Variants in STRIP1 observed in about 807,000 individuals in gnomAD.
STRIP1 encodes the protein striatin interacting protein 1.
A neutral mutation model predicts 106.2 loss-of-function variants in STRIP1; 63 were observed. The observed-to-expected ratio is 0.59, with a 90% confidence interval of 0.48 to 0.73. The LOEUF (loss-of-function observed/expected upper bound fraction) is 0.73, where lower values mean the gene tolerates loss of function less well. Among genes scored for constraint, STRIP1 ranks in the 30% least tolerant of loss-of-function variants. The probability of loss-of-function intolerance (pLI) is 0.00; values close to 1 mark genes in which losing one functional copy is unlikely to be tolerated. For synonymous variants in STRIP1, 390 were observed against 413.0 expected (o/e 0.94, Z 0.67); for missense variants, 857 against 1,074.8 (o/e 0.80, Z 2.83).
Position 110,054,223 on chromosome 1 carries a change from A to T in STRIP1, c.*311A>T, listed in dbSNP as rs1263409440. 8.8e-6 allele frequency: 3 copies of T among 339,604 alleles called. No individual in the cohort carries two copies. In the South Asian group the frequency reaches 1.0e-4, roughly 12 times the overall value. The allele number at this position is 339,604 out of a possible 1,614,324, so 21.0% of individuals were successfully genotyped here. ...CCAAGGCTGGGAAAGCTGGAATGGG[A>T]TGGGAACCCCTCCGCCGTGCATCTG... On this transcript the variant is annotated 3_prime_UTR_variant, in exon 21 of 21. Transcript: ENST00000369795.
Position 110,053,946 on chromosome 1 carries a change from A to T in STRIP1, c.*34A>T. Reference sequence around the variant, plus strand: ...GTTAGGGGACTGAAATGGAGAGAAAAGATGATCTGAAGGTACCTGTGGGAC... The same window carrying T: ...GTTAGGGGACTGAAATGGAGAGAAATGATGATCTGAAGGTACCTGTGGGAC... On this transcript the variant is annotated 3_prime_UTR_variant, in exon 21 of 21. Coordinates refer to ENST00000369795, the MANE Select transcript of STRIP1 (RefSeq NM_033088.4). The T allele has an allele frequency of 6.2e-7, 1 of 1,611,356 alleles. No homozygotes were observed. Among genetic ancestry groups the T allele is most frequent in the Non-Finnish European group, 8.5e-7 (1 of 1,178,574 alleles).
intron 13 of STRIP1, among the ~76,000 whole-genome samples, chr1:110,047,167 C>A (rs1266129431): frequency 1.3e-5 from 2 of 152,164 alleles, no homozygotes; most frequent in African/African-American, 2.4e-5. Context: ...CCCAGTCCAC[C>A]TCCCAGTGCA....
intron 3 of STRIP1, 74 bp downstream of exon 3, chr1:110,038,831 G>C: frequency 7.3e-7 from 1 of 1,361,146 alleles, no homozygotes; most frequent in South Asian, 1.2e-5. Context: ...TTAGGCATCT[G>C]AATGACCTGA....
At position 110,039,407 on chromosome 1, in the gene STRIP1, A is replaced by C. The variant is rs1203942168; in HGVS notation, c.473A>C (p.Glu158Ala). The C allele has an allele frequency of 1.9e-6, 3 of 1,614,018 alleles. No homozygotes were observed. The highest frequency in any genetic ancestry group is 2.7e-5 in the African/African-American group (2 of 74,924). Reference protein sequence around the residue: ...ILYVAQGTFGECSSEAEVQSW... With the variant: ...ILYVAQGTFGACSSEAEVQSW... ...CCCTGCATTGCAGGCACGTTTGGGG[A>C]GTGCAGCTCGGAGGCAGAGGTGCAG... The change falls in exon 5 of 21, where the codon GAG becomes GCG. Residue 158 changes from glutamate (E) to alanine (A), a missense_variant. Physicochemically the swap from Glu to Ala is moderately radical, Grantham distance 107. This residue lies in a region of STRIP1 where 750 missense variants were observed against 989.8 expected (regional missense o/e 0.76). Coordinates refer to ENST00000369795, the MANE Select transcript of STRIP1 (RefSeq NM_033088.4).
intron 12 of STRIP1, 97 bp from the exon 13 acceptor site, chr1:110,046,583 G>C (rs1653028788): frequency 1.9e-6 from 2 of 1,041,720 alleles, no homozygotes; most frequent in East Asian, 2.4e-5. Flanking sequence ...TCAGAAGACT[G>C]TGTTTGAAGA....
intron 1 of STRIP1, among the ~76,000 whole-genome samples, chr1:110,037,358 CTTCT>C (rs995853479): frequency 1.5e-4 from 23 of 152,304 alleles, no homozygotes; most frequent in African/African-American, 5.1e-4. Context: ...TGGCGGCTGC[CTTCT>C]TTGTCAGTTC....
upstream of STRIP1, among the ~76,000 whole-genome samples, chr1:110,033,161 C>T (rs1420549199): frequency 6.6e-6 from 1 of 152,186 alleles, no homozygotes; most frequent in Non-Finnish European, 1.5e-5. Context: ...TAAAATCACA[C>T]CCTCAGGCCT....
Position 110,047,546 on chromosome 1 carries a change from A to T in STRIP1, c.1493A>T (p.Glu498Val). 1 of 1,611,006 alleles carries T rather than the reference A, an allele frequency of 6.2e-7. No individual in the cohort carries two copies. Residue 498 changes from glutamate (E) to valine (V), a missense_variant, in exon 14 of 21, where the codon GAA becomes GTA. By Grantham distance (121) the Glu-to-Val change is moderately radical (BLOSUM62 -2). Transcript: ENST00000369795. ...TTGTACTCATTATGTTAAAAGGGAG[A>T]AGAAGAAGTTGAGCAAGTCCCTGCA... is the stretch of plus-strand genomic sequence containing the variant. ...EYLRSPLSGG[E>V]EEVEQVPAET...
chr1:110,044,978 T>C (rs1652947355), intron 11 of STRIP1, 37 bp from the exon 12 acceptor site: 1 of 1,613,656 alleles, frequency 6.2e-7, no homozygotes, highest in Non-Finnish European at 8.5e-7. Context: ...GGTGATTTGA[T>C]GTCGAGGCTC....
Position 110,049,462 on chromosome 1 carries a change from T to G in STRIP1, c.1791T>G (p.Phe597Leu), listed in dbSNP as rs1462019519. The part of the protein sequence containing the change: ...KHFKLNHVYQ[F>L]EYMAQHLVFA... Reference sequence around the variant, plus strand: ...TTTTTTTTTCCTGTTGGCTTCAGTTTGAATACATGGCCCAGCACCTGGTGT... The same window carrying G: ...TTTTTTTTTCCTGTTGGCTTCAGTTGGAATACATGGCCCAGCACCTGGTGT... Residue 597 changes from phenylalanine to leucine, a missense_variant and splice_region_variant, in exon 17 of 21, where the codon TTT becomes TTG. Phe to Leu is a conservative substitution (Grantham distance 22, BLOSUM62 0). Around this residue, in one of 2 missense-constraint regions of STRIP1, gnomAD observed 750 missense variants for 989.8 expected, o/e 0.76. Transcript: ENST00000369795. 6.2e-7 allele frequency: 1 copy of G among 1,602,662 alleles called. No homozygotes were observed. The highest frequency in any genetic ancestry group is 1.7e-5 in the Admixed American group (1 of 57,850).
At chr1:110,034,487 A>C, upstream of STRIP1, 1 of 818,018 alleles carries the variant, frequency 1.2e-6, no homozygotes, top group Admixed American at 4.1e-5. Context: ...CTGCAGACAG[A>C]ATATCGCGAG....
At chr1:110,037,846 A>T in intron 1 of STRIP1, 45 bp from the exon 2 acceptor site, 1 of 1,341,178 alleles carries the variant, frequency 7.5e-7, no homozygotes, top group Non-Finnish European at 1.1e-6. Flanking sequence ...TTCTTTGATA[A>T]ATAGAATGAT....
At chr1:110,040,009 T>A in intron 5 of STRIP1, 1 of 736,906 alleles carries the variant, frequency 1.4e-6, no homozygotes, top group Non-Finnish European at 2.1e-6. Context: ...TGCCTGTGTG[T>A]CCCGGGCATT....
At chr1:110,046,824 G>A in intron 13 of STRIP1, 73 bp downstream of exon 13, 8 of 1,126,740 alleles carry the variant, frequency 7.1e-6, no homozygotes, top group Non-Finnish European at 1.1e-5. Flanking sequence ...GGCCGAGGAG[G>A]GCAGATCATG....
intron 5 of STRIP1, chr1:110,039,881 A>G: frequency 7.7e-7 from 1 of 1,296,244 alleles, no homozygotes; most frequent in Non-Finnish European, 1.0e-6. Flanking sequence ...CACAAGACTG[A>G]CATATGGGCT....
rs199755654 is a variant in STRIP1 at position 110,050,370 on chromosome 1, C to T, written c.1917C>T (p.Cys639=). The change falls in exon 18 of 21, where the codon TGC becomes TGT. Residue 639 remains cysteine, a synonymous_variant. Transcript: ENST00000369795. The part of the protein sequence containing the change: ...NSISVLDYPH[C]VVHELPELTA... ...TTTCTGTCCTGGATTACCCTCACTG[C>T]GTGGTGCATGAGCTGCCAGAGCTGA... is the stretch of plus-strand genomic sequence containing the variant. 9.3e-6 allele frequency: 15 copies of T among 1,614,138 alleles called. No individual in the cohort carries two copies. The highest frequency in any genetic ancestry group is 5.3e-5 in the African/African-American group (4 of 75,062).
At chr1:110,050,834 C>A in intron 18 of STRIP1, 122 bp from the exon 19 acceptor site, 1 of 668,440 alleles carries the variant, frequency 1.5e-6, no homozygotes, top group Non-Finnish European at 2.7e-6. Flanking sequence ...GCTCTGAGAG[C>A]AGGGGATTCC....
chr1:110,050,514 A>C, intron 18 of STRIP1, 105 bp downstream of exon 18: 1 of 1,118,252 alleles, frequency 8.9e-7, no homozygotes, highest in Non-Finnish European at 1.3e-6. Context: ...CCCGCAGGTG[A>C]AATCACTGTG....
rs1224045462 is a variant in STRIP1 at position 110,034,713 on chromosome 1, C to G, written c.76C>G (p.Pro26Ala). The G allele has an allele frequency of 1.3e-6, 2 of 1,509,534 alleles. No homozygotes were observed. Among genetic ancestry groups the G allele is most frequent in the Non-Finnish European group, 1.8e-6 (2 of 1,131,436 alleles). The allele number at this position is 1,509,534 out of a possible 1,614,324, so 93.5% of individuals were successfully genotyped here. ...GCCCCAGCCCCCGCCACCTCCGCCG[C>G]CGGCAGCCGCACAGCCACCACCCGG... The part of the protein sequence containing the change: ...KQPQPPPPPP[P>A]AAAQPPPGAP... Residue 26 changes from proline (P) to alanine (A), a missense_variant, in exon 1 of 21, where the codon CCG (proline) becomes GCG (alanine). Physicochemically the swap from Pro to Ala is conservative, Grantham distance 27 (BLOSUM62 -1). Around this residue, in one of 2 missense-constraint regions of STRIP1, gnomAD observed 107 missense variants for 85.1 expected, o/e 1.26. Transcript: ENST00000369795.
Sources: allele counts gnomAD v4.1 joint callset (sites outside exome capture counted in the v4.1 genomes callset), GRCh38; gene constraint gnomAD v4.1.1; regional missense constraint gnomAD v4.1.1; transcripts MANE v1.5; gene names NCBI Gene and HGNC (gene_info 2026-07-23, HGNC 2026-07-21).